Variants in CFAP96 observed in about 807,000 individuals in gnomAD.
CFAP96 encodes cilia-and flagella-associated protein 96.
the CFAP96 span, among the ~76,000 whole-genome samples, chr4:185,422,825 A>G: frequency 0.058 from 8,783 of 152,220 alleles, 288 homozygotes; most frequent in South Asian, 0.088. Flanking sequence ...ACCCCCAGAG[A>G]TTCTGATTAA....
At chr4:185,418,958 T>C in the CFAP96 span, among the ~76,000 whole-genome samples, 2 of 152,152 alleles carry the variant, frequency 1.3e-5, no homozygotes, top group Non-Finnish European at 2.9e-5. Flanking sequence ...GACCATCAAA[T>C]TCATTCTTTT....
At chr4:185,419,985 G>A in the CFAP96 span, among the ~76,000 whole-genome samples, 1 of 152,176 alleles carries the variant, frequency 6.6e-6, no homozygotes, top group African/African-American at 2.4e-5. Context: ...TTCAGGAACT[G>A]CCAAGCTGTT....
the CFAP96 span, among the ~76,000 whole-genome samples, chr4:185,431,296 C>T: frequency 6.6e-6 from 1 of 151,714 alleles, no homozygotes; most frequent in Admixed American, 6.6e-5. Flanking sequence ...TCAAAAACTT[C>T]TCCATGTTTC....
At chr4:185,413,845 G>A in the CFAP96 span, 3 of 1,609,500 alleles carry the variant, frequency 1.9e-6, no homozygotes, top group Admixed American at 1.7e-5. Context: ...GGTCTGTCGT[G>A]AGGCAGATTG....
the CFAP96 span, among the ~76,000 whole-genome samples, chr4:185,433,052 G>C: frequency 6.6e-6 from 1 of 151,954 alleles, no homozygotes; most frequent in East Asian, 1.9e-4. Context: ...GAAAATAATT[G>C]ATCAAAAATT....
chr4:185,440,413 TAAA>T, the CFAP96 span: 7 of 612,772 alleles, frequency 1.1e-5, no homozygotes, highest in Admixed American at 1.2e-4. Flanking sequence ...ATTAATGTTT[TAAA>T]AAAGTACACC....
At chr4:185,444,248 C>T in the CFAP96 span, among the ~76,000 whole-genome samples, 6 of 152,034 alleles carry the variant, frequency 3.9e-5, no homozygotes, top group South Asian at 2.1e-4. Context: ...CCACCGCGCC[C>T]GGCCTGTATC....
the CFAP96 span, chr4:185,413,590 T>TTAA: frequency 8.1e-6 from 7 of 868,142 alleles, no homozygotes; most frequent in Non-Finnish European, 1.2e-5. Flanking sequence ...AAGCAATGTC[T>TTAA]GTTAACAGAG....
At chr4:185,439,479 T>G in the CFAP96 span, among the ~76,000 whole-genome samples, 2 of 152,170 alleles carry the variant, frequency 1.3e-5, no homozygotes, top group Non-Finnish European at 2.9e-5. Context: ...TAGATTTCAT[T>G]TATCAAGTGT....
At chr4:185,415,181 C>G in the CFAP96 span, 5 of 1,601,192 alleles carry the variant, frequency 3.1e-6, no homozygotes, top group Non-Finnish European at 4.2e-6. Flanking sequence ...AGCTGGCCAT[C>G]TGGTATTCCT....
the CFAP96 span, among the ~76,000 whole-genome samples, chr4:185,443,921 C>CTTTTTTTTT: frequency 9.7e-5 from 8 of 82,846 alleles, 1 homozygote; most frequent in African/African-American, 1.4e-4. Context: ...CTATATCTTT[C>CTTTTTTTTT]TTTTTTTTTT....
the CFAP96 span, chr4:185,415,580 A>ATT: frequency 2.3e-6 from 2 of 887,964 alleles, no homozygotes; most frequent in Non-Finnish European, 3.3e-6. Context: ...CATTTAATTA[A>ATT]TAGATGGCTC....
chr4:185,445,898 A>G, the CFAP96 span, among the ~76,000 whole-genome samples: 1 of 152,012 alleles, frequency 6.6e-6, no homozygotes, highest in African/African-American at 2.4e-5. Flanking sequence ...CTGGGGTACA[A>G]TGGCGTGATC....
chr4:185,428,545 C>T, the CFAP96 span, among the ~76,000 whole-genome samples: 1 of 111,156 alleles, frequency 9.0e-6, no homozygotes, highest in Non-Finnish European at 1.9e-5. Context: ...GCACTCCAGC[C>T]TGGGACTGTC....
the CFAP96 span, among the ~76,000 whole-genome samples, chr4:185,419,343 G>A: frequency 6.6e-6 from 1 of 152,068 alleles, no homozygotes; most frequent in African/African-American, 2.4e-5. Context: ...CGTTAGCCAG[G>A]ATGGTCTCGA....
the CFAP96 span, chr4:185,431,983 A>T: frequency 1.9e-6 from 3 of 1,546,920 alleles, no homozygotes; most frequent in Non-Finnish European, 2.6e-6. Context: ...TCTTTAAAGG[A>T]CCCTTTAATG....
the CFAP96 span, chr4:185,413,895 G>T: frequency 6.4e-7 from 1 of 1,556,716 alleles, no homozygotes; most frequent in Non-Finnish European, 8.6e-7. Context: ...AGAATCAACA[G>T]AAAAAGAAAA....
the CFAP96 span, among the ~76,000 whole-genome samples, chr4:185,410,148 A>G: frequency 6.6e-6 from 1 of 152,230 alleles, no homozygotes; most frequent in African/African-American, 2.4e-5. Context: ...AGTTAAAACA[A>G]GAAGAAAAAA....
At chr4:185,449,772 C>G in the CFAP96 span, 2 of 545,814 alleles carry the variant, frequency 3.7e-6, no homozygotes, top group Non-Finnish European at 6.4e-6. Context: ...TTCTGCAACT[C>G]TAATTCTCTT....
Sources: gnomAD v4.1 joint callset for allele counts (sites outside exome capture counted in the v4.1 genomes callset) on GRCh38, gnomAD v4.1.1 for gene constraint, MANE v1.5 for transcripts, NCBI Gene and HGNC (gene_info 2026-07-23, HGNC 2026-07-21) for gene names.